PACSIN2: variants seen among roughly 807,000 people sequenced by gnomAD.
PACSIN2 encodes the protein protein kinase C and casein kinase substrate in neurons 2.
In PACSIN2, 25 loss-of-function variants were observed where a neutral mutation model predicts 63.8. That is an observed-to-expected ratio of 0.39 (90% confidence interval 0.29 to 0.55). The LOEUF (loss-of-function observed/expected upper bound fraction) is 0.55, where lower values mean the gene tolerates loss of function less well. PACSIN2 is among the 20% of genes least tolerant of loss of function. The pLI, the probability that PACSIN2 is intolerant of heterozygous loss-of-function variation, is 0.62. For missense variants in PACSIN2, 518 were observed against 646.9 expected (o/e 0.80, Z 2.16); for synonymous variants, 255 against 256.2 (o/e 1.00, Z 0.05).
At chr22:42,906,697 G>C (rs1464653948) in intron 2 of PACSIN2, among the ~76,000 whole-genome samples, 3 of 152,204 alleles carry the variant, frequency 2.0e-5, no homozygotes, top group African/African-American at 7.2e-5. Flanking sequence ...GTGCTCTGAA[G>C]AGCAGGCTGC....
At chr22:43,010,397 TA>T (rs1413377202) in intron 1 of PACSIN2, among the ~76,000 whole-genome samples, 1 of 101,598 alleles carries the variant, frequency 9.8e-6, no homozygotes, top group Non-Finnish European at 1.9e-5. Context: ...TATATATATA[TA>T]TTTTTTTTTA....
chr22:42,911,563 C>T (rs541135829), intron 2 of PACSIN2, among the ~76,000 whole-genome samples: 1 of 152,308 alleles, frequency 6.6e-6, no homozygotes, highest in South Asian at 2.1e-4. Flanking sequence ...GGCAGATGCT[C>T]CAGCAAGTTT....
chr22:42,932,411 G>A (rs1932799291), intron 1 of PACSIN2, among the ~76,000 whole-genome samples: 2 of 152,118 alleles, frequency 1.3e-5, no homozygotes, highest in East Asian at 1.9e-4. Flanking sequence ...GTTTTTACCT[G>A]TGTACAGTCT....
chr22:42,885,524 G>A (rs552367697), intron 5 of PACSIN2, among the ~76,000 whole-genome samples: 14 of 152,094 alleles, frequency 9.2e-5, no homozygotes, highest in African/African-American at 2.7e-4. Context: ...AGGATGGAGC[G>A]CTTCCCGAGA....
At chr22:42,895,109 A>G (rs946935764) in intron 2 of PACSIN2, among the ~76,000 whole-genome samples, 6 of 152,222 alleles carry the variant, frequency 3.9e-5, no homozygotes, top group African/African-American at 1.4e-4. Flanking sequence ...CATTCCCTCC[A>G]AAGACCTCCC....
intron 1 of PACSIN2, among the ~76,000 whole-genome samples, chr22:43,000,138 A>AAC (rs1923674042): frequency 6.6e-6 from 1 of 152,174 alleles, no homozygotes; most frequent in Non-Finnish European, 1.5e-5. Context: ...GCCCCAATGG[A>AAC]CGGGGCCGGC....
chr22:42,905,002 A>G (rs1464629723), intron 2 of PACSIN2, among the ~76,000 whole-genome samples: 16 of 152,268 alleles, frequency 1.1e-4, no homozygotes, highest in African/African-American at 3.6e-4. Flanking sequence ...GTTACTGAAT[A>G]GAAAGGAAAA....
At chr22:42,943,114 T>C (rs1933248972) in intron 1 of PACSIN2, among the ~76,000 whole-genome samples, 2 of 152,240 alleles carry the variant, frequency 1.3e-5, no homozygotes, top group Admixed American at 1.3e-4. Context: ...TACACTTCTC[T>C]TCATAAATTT....
intron 1 of PACSIN2, among the ~76,000 whole-genome samples, chr22:42,950,318 G>A (rs774502982): frequency 4.7e-5 from 3 of 63,516 alleles, no homozygotes; most frequent in Non-Finnish European, 9.7e-5. Context: ...TCCTTTGGAG[G>A]GTCCTGGAAC....
chr22:42,896,253 C>G (rs1024876780), intron 2 of PACSIN2, among the ~76,000 whole-genome samples: 1 of 152,166 alleles, frequency 6.6e-6, no homozygotes, highest in Non-Finnish European at 1.5e-5. Flanking sequence ...ATATGGAATA[C>G]ACAGTATGCA....
At chr22:42,985,990 G>A (rs1331679492) in intron 1 of PACSIN2, among the ~76,000 whole-genome samples, 2 of 149,352 alleles carry the variant, frequency 1.3e-5, no homozygotes, top group East Asian at 2.0e-4. Context: ...AAGAAACATC[G>A]AGGTCTTCTT....
At chr22:42,974,503 CAGGCTTCTTGTCTGGGTAG>C (rs1024629221) in intron 1 of PACSIN2, among the ~76,000 whole-genome samples, 3 of 152,138 alleles carry the variant, frequency 2.0e-5, no homozygotes, top group African/African-American at 7.2e-5. Flanking sequence ...GTACCACATA[CAGGCTTCTTGTCTGGGTAG>C]AGGCCATCCA....
chr22:42,959,844 C>T (rs1175108603), intron 1 of PACSIN2: 4 of 152,296 alleles, frequency 2.6e-5, no homozygotes, highest in Non-Finnish European at 5.9e-5. Flanking sequence ...AGCTTCCGTA[C>T]CTGCCTCTTT....
chr22:42,985,911 G>A (rs964251929), intron 1 of PACSIN2, among the ~76,000 whole-genome samples: 1 of 149,526 alleles, frequency 6.7e-6, no homozygotes, highest in African/African-American at 2.5e-5. Flanking sequence ...CTGACTGCAG[G>A]TCTGATGTCC....
chr22:42,900,769 C>T (rs961794424), intron 2 of PACSIN2, among the ~76,000 whole-genome samples: 3 of 152,206 alleles, frequency 2.0e-5, no homozygotes, highest in South Asian at 2.1e-4. Flanking sequence ...CCACCGCACC[C>T]GACCTAGTGT....
chr22:42,893,990 C>T (rs938851302), intron 2 of PACSIN2, among the ~76,000 whole-genome samples: 1 of 152,082 alleles, frequency 6.6e-6, no homozygotes, highest in East Asian at 1.9e-4. Context: ...GACATCTAAC[C>T]AAAGCCTTCT....
rs961563803 is a variant in PACSIN2, at chr22:42,869,867, T to G, written c.*1490A>C. The G allele has an allele frequency of 9.2e-5, 14 of 152,364 alleles. No individual in the cohort carries two copies. The highest frequency in any genetic ancestry group is 7.2e-4 in the Admixed American group (11 of 15,284). The allele number at this position is 152,364 out of a possible 1,614,324, so 9.4% of individuals were successfully genotyped here. A position where few individuals can be genotyped will look rare whatever the true frequency, so the allele number is the denominator to read the frequency against. On this transcript the variant is annotated 3_prime_UTR_variant, in exon 11 of 11. Transcript: ENST00000263246. ...AAAAGACTTGACAATTTTTGGTAAA[T>G]CCGTAGCACAGAAATGAGGATTTCT... is the stretch of plus-strand genomic sequence containing the variant.
intron 2 of PACSIN2, among the ~76,000 whole-genome samples, chr22:42,910,723 A>AT (rs76220797): frequency 6.6e-6 from 1 of 151,874 alleles, no homozygotes; most frequent in African/African-American, 2.4e-5. Context: ...CTGAAATTTG[A>AT]GCTGGGTGCC....
chr22:42,935,923 C>A (rs1005166170), intron 1 of PACSIN2, among the ~76,000 whole-genome samples: 2 of 152,132 alleles, frequency 1.3e-5, no homozygotes, highest in Admixed American at 6.5e-5. Flanking sequence ...TTGAAAACTA[C>A]AGAATTCCAG....
Sources: gnomAD v4.1 joint callset for allele counts (sites outside exome capture counted in the v4.1 genomes callset) on GRCh38, gnomAD v4.1.1 for gene constraint, MANE v1.5 for transcripts, NCBI Gene and HGNC (gene_info 2026-07-23, HGNC 2026-07-21) for gene names.